The following SDK1 variants were observed in gnomAD, a reference collection of about 807,000 sequenced individuals.
SDK1 encodes sidekick cell adhesion molecule 1, also known as protein sidekick-1.
In SDK1, 157 loss-of-function variants were observed where a neutral mutation model predicts 245.5. The observed-to-expected ratio is 0.64, with a 90% CI of 0.56 to 0.73. The LOEUF (loss-of-function observed/expected upper bound fraction) is 0.73. Among genes scored for constraint, SDK1 ranks in the 30% least tolerant of loss-of-function variants. The pLI, the probability that SDK1 is intolerant of heterozygous loss-of-function variation, is 0.00. For synonymous variants in SDK1, 1,647 were observed against 1,278.5 expected (o/e 1.29, Z -6.15); for missense variants, 3,583 against 3,002.3 (o/e 1.19, Z -4.52).
At chr7:3,500,588 C>T (rs1782166569) in intron 1 of SDK1, among the ~76,000 whole-genome samples, 1 of 152,052 alleles carries the variant, frequency 6.6e-6, no homozygotes, top group South Asian at 2.1e-4. Context: ...TCTGTTTTCT[C>T]CAGTGTTTTG....
chr7:3,425,851 C>G (rs1779661933), intron 1 of SDK1, among the ~76,000 whole-genome samples: 1 of 152,246 alleles, frequency 6.6e-6, no homozygotes, highest in Middle Eastern at 3.4e-3. Flanking sequence ...GACTTTCCCT[C>G]AGCAAGATGT....
intron 16 of SDK1, among the ~76,000 whole-genome samples, chr7:4,012,549 C>CGTTTT (rs1786069289): frequency 3.9e-5 from 1 of 25,960 alleles, no homozygotes; most frequent in Non-Finnish European, 1.0e-4. Context: ...CAATGTGAAG[C>CGTTTT]TTTTTTTTTT....
intron 1 of SDK1, among the ~76,000 whole-genome samples, chr7:3,319,921 C>A: frequency 1.3e-5 from 1 of 78,238 alleles, no homozygotes; most frequent in African/African-American, 5.5e-5. Flanking sequence ...AAAATTTGAG[C>A]ATTGAAAGGG....
intron 1 of SDK1, among the ~76,000 whole-genome samples, chr7:3,372,151 C>G (rs1781243394): frequency 6.6e-6 from 1 of 152,134 alleles, no homozygotes; most frequent in Admixed American, 6.5e-5. Flanking sequence ...CGGAGGAGAC[C>G]ACCCTTAGAT....
intron 1 of SDK1, among the ~76,000 whole-genome samples, chr7:3,559,478 T>C (rs1195779862): frequency 6.6e-6 from 1 of 151,942 alleles, no homozygotes; most frequent in Non-Finnish European, 1.5e-5. Flanking sequence ...TGTTTCAAAT[T>C]TTTTTTTAAG....
At chr7:4,009,470 T>C (rs1482383728) in intron 14 of SDK1, among the ~76,000 whole-genome samples, 2 of 152,172 alleles carry the variant, frequency 1.3e-5, no homozygotes, top group Non-Finnish European at 2.9e-5. Flanking sequence ...AAAAGGGAAG[T>C]TGCTGTGAGT....
At chr7:3,407,755 G>T (rs758394315) in intron 1 of SDK1, among the ~76,000 whole-genome samples, 1 of 152,168 alleles carries the variant, frequency 6.6e-6, no homozygotes, top group Non-Finnish European at 1.5e-5. Context: ...TAGGCATTGG[G>T]TATACAAGGA....
rs1460081552 is a variant in SDK1 at position 3,958,984 on chromosome 7, G to C, written c.1204G>C (p.Glu402Gln). The change falls in exon 8 of 45, where the codon GAA (glutamate) becomes CAA (glutamine). Residue 402 changes from glutamate to glutamine, a missense_variant. Transcript: ENST00000404826. Reference sequence around the variant, plus strand: ...GAGTCGGATTTCAGCTGAAGTAGAAGAAACTGTGGACATCGGATGTCAAGC... The same window carrying C: ...GAGTCGGATTTCAGCTGAAGTAGAACAAACTGTGGACATCGGATGTCAAGC... ...PESRISAEVEETVDIGCQAMG... is the reference protein window; with the variant it reads ...PESRISAEVEQTVDIGCQAMG... 2.5e-6 allele frequency: 4 copies of C among 1,614,054 alleles called. No homozygotes were observed. Among genetic ancestry groups the C allele is most frequent in the South Asian group, 2.2e-5 (2 of 91,078 alleles).
At chr7:4,021,085 A>G (rs1786852500) in intron 17 of SDK1, among the ~76,000 whole-genome samples, 1 of 152,158 alleles carries the variant, frequency 6.6e-6, no homozygotes, top group Non-Finnish European at 1.5e-5. Flanking sequence ...TCAAGAATTG[A>G]TGTGAGCACC....
intron 1 of SDK1, among the ~76,000 whole-genome samples, chr7:3,447,569 A>G (rs570409578): frequency 6.6e-6 from 1 of 152,190 alleles, no homozygotes; most frequent in South Asian, 2.1e-4. Context: ...ACTGGAGTGT[A>G]TTCTATAGTA....
At chr7:3,689,959 A>G (rs1039444416) in intron 4 of SDK1, among the ~76,000 whole-genome samples, 1 of 152,246 alleles carries the variant, frequency 6.6e-6, no homozygotes, top group Non-Finnish European at 1.5e-5. Flanking sequence ...TGTTTTGATC[A>G]TCCGTGTGGA....
intron 1 of SDK1, among the ~76,000 whole-genome samples, chr7:3,449,587 C>A (rs972830782): frequency 3.3e-5 from 5 of 152,124 alleles, no homozygotes; most frequent in African/African-American, 1.2e-4. Flanking sequence ...TCTGTAAACA[C>A]CTTGAATATT....
chr7:3,895,206 A>G (rs1781571320), intron 5 of SDK1, among the ~76,000 whole-genome samples: 1 of 152,234 alleles, frequency 6.6e-6, no homozygotes, highest in Admixed American at 6.5e-5. Context: ...GAGTCATCTC[A>G]TCATCACTGT....
At chr7:4,112,265 G>C (rs1240153474) in intron 23 of SDK1, among the ~76,000 whole-genome samples, 2 of 152,170 alleles carry the variant, frequency 1.3e-5, no homozygotes, top group Non-Finnish European at 2.9e-5. Context: ...AGATAGGTGA[G>C]AGACAAAGGG....
At chr7:3,487,203 C>T (rs1367671106) in intron 1 of SDK1, among the ~76,000 whole-genome samples, 1 of 152,160 alleles carries the variant, frequency 6.6e-6, no homozygotes, top group Non-Finnish European at 1.5e-5. Flanking sequence ...AGCCTTATGA[C>T]ACTCTGAAAT....
chr7:4,096,154 A>G (rs1233421923), intron 22 of SDK1, among the ~76,000 whole-genome samples: 1 of 152,194 alleles, frequency 6.6e-6, no homozygotes, highest in African/African-American at 2.4e-5. Flanking sequence ...CACATCAGGC[A>G]ATGTCAAGGC....
intron 1 of SDK1, among the ~76,000 whole-genome samples, chr7:3,466,049 A>C (rs952697381): frequency 5.3e-5 from 8 of 152,070 alleles, no homozygotes; most frequent in African/African-American, 1.9e-4. Context: ...TTCTCTTCTC[A>C]GATGGGCAAC....
chr7:3,982,736 G>A (rs1783511797), intron 13 of SDK1, among the ~76,000 whole-genome samples: 1 of 151,996 alleles, frequency 6.6e-6, no homozygotes, highest in African/African-American at 2.4e-5. Context: ...GCTACTCGGG[G>A]GGCTGAGTCA....
At chr7:3,591,849 C>T (rs1002034425) in intron 1 of SDK1, among the ~76,000 whole-genome samples, 3 of 152,198 alleles carry the variant, frequency 2.0e-5, no homozygotes, top group Non-Finnish European at 4.4e-5. Flanking sequence ...ATTAGTGATT[C>T]TCAAACTTTG....
Sources: gnomAD v4.1 joint callset for allele counts (sites outside exome capture counted in the v4.1 genomes callset) on GRCh38, gnomAD v4.1.1 for gene constraint, MANE v1.5 for transcripts, NCBI Gene and HGNC (gene_info 2026-07-23, HGNC 2026-07-21) for gene names.